The following AUTS2 variants were observed in gnomAD, a reference collection of about 807,000 sequenced individuals.
The protein encoded by AUTS2 is activator of transcription and developmental regulator AUTS2, also known as autism susceptibility gene 2 protein.
Under a neutral mutation model 112.4 loss-of-function variants are expected in AUTS2, and 17 were observed. The observed-to-expected ratio is 0.15, with a 90% confidence interval of 0.10 to 0.23. The LOEUF is 0.23. Among genes scored for constraint, AUTS2 ranks in the 10% least tolerant of loss-of-function variants. AUTS2 has a pLI of 1.00. For missense variants in AUTS2, 1,510 were observed against 1,701.6 expected, an observed-to-expected ratio of 0.89 and a Z score of 1.98; for synonymous variants, 751 against 702.7, an observed-to-expected ratio of 1.07 and a Z score of -1.09.
chr7:69,754,292 T>G (rs1252767788), intron 1 of AUTS2, among the ~76,000 whole-genome samples: 1 of 152,094 alleles, frequency 6.6e-6, no homozygotes, highest in African/African-American at 2.4e-5. Context: ...TTGATGAGCA[T>G]AGAGTATAGT....
intron 4 of AUTS2, among the ~76,000 whole-genome samples, chr7:70,224,460 A>G (rs1811663468): frequency 1.3e-5 from 2 of 152,210 alleles, no homozygotes; most frequent in Admixed American, 1.3e-4. Flanking sequence ...GATATAAAGG[A>G]AGAAAGTATT....
chr7:69,771,417 G>A (rs1788657243), intron 1 of AUTS2, among the ~76,000 whole-genome samples: 1 of 152,204 alleles, frequency 6.6e-6, no homozygotes, highest in Admixed American at 6.5e-5. Flanking sequence ...GTTGAACACG[G>A]GGGTACAGAA....
At chr7:69,689,272 T>G (rs1301365482) in intron 1 of AUTS2, among the ~76,000 whole-genome samples, 1 of 151,892 alleles carries the variant, frequency 6.6e-6, no homozygotes, top group East Asian at 1.9e-4. Context: ...TGACCTCTTT[T>G]CTCCATGATA....
chr7:70,781,853 C>T (rs1279627691), intron 15 of AUTS2, 97 bp downstream of exon 15: 2 of 1,482,756 alleles, frequency 1.3e-6, no homozygotes, highest in East Asian at 4.6e-5. Context: ...GCTCAGTCAC[C>T]ACCTACAAAA....
chr7:70,721,745 G>T (rs1786693289), intron 6 of AUTS2, among the ~76,000 whole-genome samples: 1 of 152,138 alleles, frequency 6.6e-6, no homozygotes, highest in Admixed American at 6.5e-5. Context: ...TTGCAAACCT[G>T]TAGAAATGTT....
intron 5 of AUTS2, among the ~76,000 whole-genome samples, chr7:70,618,813 A>G (rs1186328482): frequency 6.6e-6 from 1 of 152,202 alleles, no homozygotes; most frequent in Non-Finnish European, 1.5e-5. Flanking sequence ...ACAAGAGGGA[A>G]AGAAAAGCTC....
chr7:69,801,104 T>C (rs778952037), intron 1 of AUTS2, among the ~76,000 whole-genome samples: 14 of 151,984 alleles, frequency 9.2e-5, no homozygotes, highest in Non-Finnish European at 1.9e-4. Flanking sequence ...GGATTCTTGC[T>C]CACCATTTCC....
chr7:70,158,254 A>T (rs1234006317), intron 4 of AUTS2, among the ~76,000 whole-genome samples: 1 of 152,212 alleles, frequency 6.6e-6, no homozygotes, highest in Non-Finnish European at 1.5e-5. Flanking sequence ...GAAGGGTTTC[A>T]TGTTGTAGAA....
chr7:69,748,133 C>T (rs573744725), intron 1 of AUTS2, among the ~76,000 whole-genome samples: 2 of 152,094 alleles, frequency 1.3e-5, no homozygotes, highest in Non-Finnish European at 2.9e-5. Context: ...ATTAGGGTCT[C>T]AGTTTGGGAA....
At chr7:70,107,934 C>A (rs1804860213) in intron 2 of AUTS2, among the ~76,000 whole-genome samples, 3 of 151,432 alleles carry the variant, frequency 2.0e-5, no homozygotes, top group Admixed American at 2.0e-4. Flanking sequence ...TGGCGTGAAC[C>A]CAGTAGGCGG....
At chr7:70,461,692 A>C (rs1796970042) in intron 5 of AUTS2, among the ~76,000 whole-genome samples, 1 of 152,178 alleles carries the variant, frequency 6.6e-6, no homozygotes, top group Admixed American at 6.5e-5. Flanking sequence ...CAACTAAGAA[A>C]ACTGAACGGT....
intron 4 of AUTS2, among the ~76,000 whole-genome samples, chr7:70,145,003 A>G (rs1676900237): frequency 6.6e-6 from 1 of 152,102 alleles, no homozygotes. Context: ...CATGTCATAT[A>G]TTGTTGTTGC....
rs149975773 is a variant in AUTS2, at chr7:70,770,679, A to G, written c.1735-870A>G. Reference sequence around the variant, plus strand: ...TTCAGAATCATTCTTTTACCATCATAGAGTGGACTCCTACGTGAAGGGCTT... The same window carrying G: ...TTCAGAATCATTCTTTTACCATCATGGAGTGGACTCCTACGTGAAGGGCTT... On this transcript the variant is annotated intron_variant, in intron 10 of 18. Coordinates refer to ENST00000342771, the MANE Select transcript of AUTS2 (RefSeq NM_015570.4). 3.1e-3 allele frequency among the ~76,000 whole-genome samples: 475 copies of G among 152,306 alleles called. 18 individuals carry two copies. The highest frequency in any genetic ancestry group is 0.027 in the Admixed American group (413 of 15,296).
intron 2 of AUTS2, among the ~76,000 whole-genome samples, chr7:70,034,048 A>G (rs1275157075): frequency 2.0e-5 from 3 of 152,196 alleles, no homozygotes; most frequent in African/African-American, 4.8e-5. Context: ...CATTATGTAC[A>G]TGTATCAGAA....
chr7:70,331,370 A>T (rs1192553557), intron 4 of AUTS2, among the ~76,000 whole-genome samples: 1 of 152,040 alleles, frequency 6.6e-6, no homozygotes, highest in Non-Finnish European at 1.5e-5. Context: ...GGTAGTTTTT[A>T]TTACTGTGGG....
At chr7:70,098,851 C>T (rs1486050472) in intron 2 of AUTS2, among the ~76,000 whole-genome samples, 4 of 151,778 alleles carry the variant, frequency 2.6e-5, no homozygotes, top group Non-Finnish European at 4.4e-5. Context: ...TACAAGCGTG[C>T]GCCATCACGC....
intron 14 of AUTS2, among the ~76,000 whole-genome samples, chr7:70,778,059 G>A (rs1790821448): frequency 6.6e-6 from 1 of 152,186 alleles, no homozygotes; most frequent in Non-Finnish European, 1.5e-5. Flanking sequence ...TTACCTCGCT[G>A]TCCAAAGACG....
At chr7:69,953,082 G>A (rs1797085416) in intron 2 of AUTS2, among the ~76,000 whole-genome samples, 1 of 152,124 alleles carries the variant, frequency 6.6e-6, no homozygotes, top group Non-Finnish European at 1.5e-5. Context: ...CTAGAGAAGG[G>A]TTCATGTGCT....
intron 2 of AUTS2, among the ~76,000 whole-genome samples, chr7:69,975,687 T>TTTTTTA (rs1238527317): frequency 1.3e-5 from 2 of 152,038 alleles, no homozygotes; most frequent in African/African-American, 4.8e-5. Context: ...TAATTGTTTT[T>TTTTTTA]TTTTTATTTT....
Sources: gnomAD v4.1 joint callset for allele counts (sites outside exome capture counted in the v4.1 genomes callset) on GRCh38, gnomAD v4.1.1 for gene constraint, MANE v1.5 for transcripts, NCBI Gene and HGNC (gene_info 2026-07-23, HGNC 2026-07-21) for gene names.